RELL1: variants seen among roughly 807,000 people sequenced by gnomAD.
The protein encoded by RELL1 is RELT-like protein 1.
Under a neutral mutation model 23.0 loss-of-function variants are expected in RELL1, and 10 were observed. The observed-to-expected ratio is 0.43, with a 90% CI of 0.27 to 0.74. The LOEUF is 0.74. RELL1 is among the 30% of genes least tolerant of loss of function. The pLI, the probability that RELL1 is intolerant of heterozygous loss-of-function variation, is 0.19. For missense variants in RELL1, 315 were observed against 364.4 expected, an observed-to-expected ratio of 0.86 and a Z score of 1.10; for synonymous variants, 146 against 146.8, an observed-to-expected ratio of 0.99 and a Z score of 0.04.
chr4:37,590,895 T>C (rs372063210), exon 7 of RELL1: 34 of 1,613,974 alleles, frequency 2.1e-5, no homozygotes, highest in Middle Eastern at 1.6e-4. Context: ...ATGGCTCCGA[T>C]GGAGATGGGG....
intron 3 of RELL1, among the ~76,000 whole-genome samples, chr4:37,643,238 G>C (rs1720587245): frequency 6.6e-6 from 1 of 152,122 alleles, no homozygotes; most frequent in South Asian, 2.1e-4. Context: ...ATCTTTGTCA[G>C]AAGTGTTGTG....
exon 7 of RELL1, chr4:37,590,859 C>T: frequency 6.2e-7 from 1 of 1,614,184 alleles, no homozygotes; most frequent in Non-Finnish European, 8.5e-7. Flanking sequence ...CTGTGGTTGA[C>T]TCAGGAAACA....
rs36064800 is a variant in RELL1 at position 37,612,176 on chromosome 4, C to CAAAAAAA, written c.*1163_*1169dup. Among the ~76,000 whole-genome samples, 1 of 53,784 alleles carries CAAAAAAA rather than the reference C, an allele frequency of 1.9e-5. No homozygotes were observed. Among genetic ancestry groups the CAAAAAAA allele is most frequent in the Non-Finnish European group, 3.6e-5 (1 of 28,144 alleles). The allele number at this position is 53,784 out of a possible 152,430, so 35.3% of individuals were successfully genotyped here. A position where few individuals can be genotyped will look rare whatever the true frequency, so the allele number is the denominator to read the frequency against. The stretch of plus-strand genomic sequence containing the variant: ...TGGGCGACAGAGCGAGACTCCGCCT[C>CAAAAAAA]AAAAAAAAAAAAAAAAAAAAAAAAA... On this transcript the variant is annotated 3_prime_UTR_variant, in exon 7 of 7. Coordinates refer to ENST00000454158, the MANE Select transcript of RELL1 (RefSeq NM_001085400.2).
At chr4:37,681,384 T>C (rs1560363171) in intron 1 of RELL1, among the ~76,000 whole-genome samples, 1 of 152,164 alleles carries the variant, frequency 6.6e-6, no homozygotes, top group Non-Finnish European at 1.5e-5. Flanking sequence ...TACCCAGAAC[T>C]TTCAGAGACA....
chr4:37,631,606 G>T, intron 5 of RELL1, 83 bp from the exon 6 acceptor site: 1 of 1,494,260 alleles, frequency 6.7e-7, no homozygotes, highest in Non-Finnish European at 9.1e-7. Context: ...CATCCACCCA[G>T]AGGATCTCAA....
At chr4:37,644,318 C>T (rs757569685) in intron 3 of RELL1, among the ~76,000 whole-genome samples, 20 of 152,060 alleles carry the variant, frequency 1.3e-4, no homozygotes, top group East Asian at 3.9e-4. Context: ...CTGCCAGCAC[C>T]GTCCTGCCAT....
At chr4:37,621,770 CTGCCCAGGGAGAT>C (rs1427964377) in intron 6 of RELL1, among the ~76,000 whole-genome samples, 1 of 152,166 alleles carries the variant, frequency 6.6e-6, no homozygotes, top group African/African-American at 2.4e-5. Flanking sequence ...GGGCAGGCCC[CTGCCCAGGGAGAT>C]ATGTGTTAGG....
intron 1 of RELL1, among the ~76,000 whole-genome samples, chr4:37,659,773 A>T (rs1721255585): frequency 6.6e-6 from 1 of 152,144 alleles, no homozygotes; most frequent in South Asian, 2.1e-4. Context: ...TGAAGACACG[A>T]GCCCATCCTC....
intron 1 of RELL1, among the ~76,000 whole-genome samples, chr4:37,679,413 G>C (rs537878020): frequency 6.6e-6 from 1 of 152,206 alleles, no homozygotes; most frequent in African/African-American, 2.4e-5. Flanking sequence ...TGGAAATTTT[G>C]CTACTTTGAG....
rs7683125 is a variant in RELL1, at chr4:37,663,641, G to A, written c.89-14141C>T. 2.8e-3 allele frequency among the ~76,000 whole-genome samples: 429 copies of A among 152,330 alleles called. 2 individuals carry two copies. Among genetic ancestry groups the A allele is most frequent in the African/African-American group, 9.6e-3 (399 of 41,568 alleles). ...TCTCTCATTACCCCCATTCGCAGAT[G>A]AGGAAAATGAGGCACACGGGTTCAA... On this transcript the variant is annotated intron_variant, in intron 1 of 6. Coordinates refer to ENST00000454158, the MANE Select transcript of RELL1 (RefSeq NM_001085400.2).
At chr4:37,590,688 T>C (rs532138389), downstream of RELL1, 38 of 1,614,144 alleles carry the variant, frequency 2.4e-5, no homozygotes, top group African/African-American at 1.5e-4. Flanking sequence ...TCAAGAACCA[T>C]ACTGAGGATG....
At chr4:37,604,605 A>T (rs1233958975) in intron 6 of RELL1, among the ~76,000 whole-genome samples, 3 of 152,102 alleles carry the variant, frequency 2.0e-5, no homozygotes, top group African/African-American at 7.2e-5. Context: ...CTCAACCAGG[A>T]TATGAAGGAG....
chr4:37,658,445 A>G (rs1721205844), intron 1 of RELL1, among the ~76,000 whole-genome samples: 1 of 152,244 alleles, frequency 6.6e-6, no homozygotes, highest in African/African-American at 2.4e-5. Flanking sequence ...ATGAGCCAAC[A>G]CTAAGCTAAG....
At position 37,659,348 on chromosome 4, in the gene RELL1, C is replaced by T. The variant is rs114608793; in HGVS notation, c.89-9848G>A. Among the ~76,000 whole-genome samples the T allele has an allele frequency of 1.0e-3, 158 of 152,324 alleles. 1 individual carries two copies. Among genetic ancestry groups the T allele is most frequent in the African/African-American group, 3.7e-3 (153 of 41,564 alleles). On this transcript the variant is annotated intron_variant, in intron 1 of 6. Coordinates refer to ENST00000454158, the MANE Select transcript of RELL1 (RefSeq NM_001085400.2). Reference sequence around the variant, plus strand: ...AGACAGCAGGGAACTGAGGAGGAGGCATGAAGCATGGCTGGAAGTCAACCT... The same window carrying T: ...AGACAGCAGGGAACTGAGGAGGAGGTATGAAGCATGGCTGGAAGTCAACCT...
chr4:37,635,461 G>T (rs1010481979), intron 4 of RELL1, among the ~76,000 whole-genome samples: 1 of 151,670 alleles, frequency 6.6e-6, no homozygotes, highest in Admixed American at 6.6e-5. Context: ...CCTCGTCTCT[G>T]AAAAAAAATG....
At chr4:37,651,020 A>T (rs1032045891) in intron 1 of RELL1, among the ~76,000 whole-genome samples, 1 of 151,268 alleles carries the variant, frequency 6.6e-6, no homozygotes, top group Non-Finnish European at 1.5e-5. Context: ...GAAGTGCACC[A>T]CTGCACTTCA....
chr4:37,604,810 G>GACACACACACACACAGAC lies in RELL1; in HGVS notation c.*4-13594_*4-13593insGTCTGTGTGTGTGTGTGT, dbSNP rs199773530. Among the ~76,000 whole-genome samples, 2 of 73,598 alleles carry GACACACACACACACAGAC rather than the reference G, an allele frequency of 2.7e-5. 1 individual carries two copies. Among genetic ancestry groups the GACACACACACACACAGAC allele is most frequent in the Non-Finnish European group, 5.0e-5 (2 of 39,756 alleles). 48.3% of individuals were successfully genotyped at this position (73,598 alleles called of 152,430 possible). On this transcript the variant is annotated intron_variant, in intron 6 of 6. Coordinates refer to the RELL1 transcript ENST00000314117. ...AGACACACACACAGACACACACACA[G>GACACACACACACACAGAC]ACACACACACAGACACACACATACA...
At chr4:37,669,627 G>T (rs1313538733) in intron 1 of RELL1, among the ~76,000 whole-genome samples, 1 of 152,214 alleles carries the variant, frequency 6.6e-6, no homozygotes, top group African/African-American at 2.4e-5. Context: ...GAAATCGGAT[G>T]GTTGCCGTGT....
chr4:37,682,999 G>A (rs144973563), intron 1 of RELL1, among the ~76,000 whole-genome samples: 13 of 152,106 alleles, frequency 8.5e-5, no homozygotes, highest in Admixed American at 2.6e-4. Context: ...GGGTGCTTGT[G>A]GTATATAGTT....
Sources: allele counts gnomAD v4.1 joint callset (sites outside exome capture counted in the v4.1 genomes callset), GRCh38; gene constraint gnomAD v4.1.1; transcripts MANE v1.5; gene names NCBI Gene and HGNC (gene_info 2026-07-23, HGNC 2026-07-21).